The following ATP9B variants were observed in gnomAD, a reference collection of about 807,000 sequenced individuals.
The protein encoded by ATP9B is probable phospholipid-transporting ATPase IIB.
In ATP9B, 110 loss-of-function variants were observed where a neutral mutation model predicts 146.1. The observed-to-expected ratio is 0.75, with a 90% CI of 0.65 to 0.88. ATP9B has a LOEUF of 0.88. Among genes scored for constraint, ATP9B ranks in the 40% least tolerant of loss-of-function variants. The pLI is 0.00. For missense variants in ATP9B, 1,499 were observed against 1,496.4 expected (o/e 1.00, Z -0.03); for synonymous variants, 604 against 569.7 (o/e 1.06, Z -0.86).
intron 10 of ATP9B, among the ~76,000 whole-genome samples, chr18:79,212,099 T>C (rs934390857): frequency 1.3e-5 from 2 of 152,248 alleles, no homozygotes; most frequent in Non-Finnish European, 2.9e-5. Flanking sequence ...CTCAGTCTTT[T>C]AGCCTATTGT....
intron 1 of ATP9B, among the ~76,000 whole-genome samples, chr18:79,080,377 C>T (rs1045910924): frequency 4.0e-5 from 6 of 151,870 alleles, no homozygotes; most frequent in Non-Finnish European, 2.9e-5. Context: ...AAGTTGTATT[C>T]CTAGTTATTT....
intron 12 of ATP9B, among the ~76,000 whole-genome samples, chr18:79,271,194 C>T (rs2096249718): frequency 6.6e-6 from 1 of 152,144 alleles, no homozygotes; most frequent in South Asian, 2.1e-4. Flanking sequence ...ATTTTGCTTA[C>T]ACCAGTTTAA....
chr18:79,080,176 A>T (rs1016572562), intron 1 of ATP9B, among the ~76,000 whole-genome samples: 17 of 152,184 alleles, frequency 1.1e-4, no homozygotes, highest in Non-Finnish European at 1.9e-4. Context: ...TAATTCTTTG[A>T]AGAAAGTCAG....
At chr18:79,199,996 G>A (rs945449085) in intron 9 of ATP9B, among the ~76,000 whole-genome samples, 6 of 152,146 alleles carry the variant, frequency 3.9e-5, no homozygotes, top group Non-Finnish European at 7.3e-5. Flanking sequence ...TAAGTAGAAG[G>A]AGTACACTCT....
At chr18:79,270,766 A>G (rs989602661) in intron 12 of ATP9B, among the ~76,000 whole-genome samples, 14 of 152,170 alleles carry the variant, frequency 9.2e-5, no homozygotes, top group African/African-American at 3.4e-4. Context: ...ATTCTCAACC[A>G]ACCAGAGTAC....
intron 26 of ATP9B, chr18:79,363,824 G>C (rs914921337): frequency 1.4e-4 from 22 of 152,352 alleles, no homozygotes; most frequent in African/African-American, 5.3e-4. Flanking sequence ...AGATGTTCCT[G>C]GGTTGGGAGG....
chr18:79,327,133 T>C (rs1411469931), intron 15 of ATP9B, among the ~76,000 whole-genome samples: 1 of 152,254 alleles, frequency 6.6e-6, no homozygotes, highest in East Asian at 1.9e-4. Flanking sequence ...ATTGATTTAA[T>C]ATCCTGTGCA....
chr18:79,272,859 T>G (rs902089657), intron 12 of ATP9B, among the ~76,000 whole-genome samples: 1 of 152,178 alleles, frequency 6.6e-6, no homozygotes, highest in Non-Finnish European at 1.5e-5. Context: ...AAATCAAGTC[T>G]GTCATTGGTC....
chr18:79,072,704 C>A (rs990984726), intron 1 of ATP9B, among the ~76,000 whole-genome samples: 1 of 86,554 alleles, frequency 1.2e-5, no homozygotes, highest in Non-Finnish European at 2.5e-5. Flanking sequence ...TGGGGGCGCC[C>A]CCCCACCTCC....
intron 13 of ATP9B, among the ~76,000 whole-genome samples, chr18:79,292,487 CA>C (rs2096515595): frequency 6.6e-6 from 1 of 151,294 alleles, no homozygotes; most frequent in Admixed American, 6.6e-5. Flanking sequence ...GTTAAGACGG[CA>C]ACAATTCTAG....
chr18:79,096,725 G>A (rs2074815247), intron 2 of ATP9B, 76 bp downstream of exon 2: 2 of 1,154,724 alleles, frequency 1.7e-6, no homozygotes, highest in South Asian at 1.8e-5. Flanking sequence ...ATACTTATTA[G>A]CTATATTAAT....
chr18:79,227,071 G>A (rs1252509155), intron 11 of ATP9B, among the ~76,000 whole-genome samples: 1 of 152,010 alleles, frequency 6.6e-6, no homozygotes, highest in African/African-American at 2.4e-5. Context: ...TTTTTTGGTG[G>A]GCTATAACCT....
At chr18:79,115,364 C>T (rs1330306865) in intron 4 of ATP9B, 1 of 132,636 alleles carries the variant, frequency 7.5e-6, no homozygotes, top group African/African-American at 3.2e-5. Context: ...TTTACAGATT[C>T]AATGCCATCC....
At chr18:79,364,888 T>C (rs183454846) in intron 26 of ATP9B, among the ~76,000 whole-genome samples, 152 of 152,090 alleles carry the variant, frequency 1.0e-3, no homozygotes, top group African/African-American at 3.1e-3. Context: ...GAGCTGAGCA[T>C]GGTGGTTGCT....
intron 15 of ATP9B, among the ~76,000 whole-genome samples, chr18:79,310,314 A>C (rs1360077066): frequency 6.6e-6 from 1 of 152,268 alleles, no homozygotes; most frequent in Admixed American, 6.5e-5. Context: ...ATTAAAATTA[A>C]GAAGTCAGAA....
intron 12 of ATP9B, among the ~76,000 whole-genome samples, chr18:79,263,752 CATG>C (rs1435213726): frequency 6.6e-6 from 1 of 152,198 alleles, no homozygotes; most frequent in Non-Finnish European, 1.5e-5. Flanking sequence ...ATTAACATTT[CATG>C]ATGTGTACTC....
Position 79,303,464 on chromosome 18 carries a change from T to C in ATP9B, c.1412-140T>C, listed in dbSNP as rs568635929. The C allele has an allele frequency of 2.9e-5, 15 of 525,896 alleles. No homozygotes were observed. The South Asian group carries it at 4.9e-4, about 17-fold the overall frequency. The allele number at this position is 525,896 out of a possible 1,614,324, so 32.6% of individuals were successfully genotyped here. A position where few individuals can be genotyped will look rare whatever the true frequency, so the allele number is the denominator to read the frequency against. On this transcript the variant is annotated intron_variant, in intron 13 of 29. Transcript: ENST00000426216. Reference sequence around the variant, plus strand: ...TGAAAATAGTAGCAAGTAACAATCTTAACGCTACTTTGTATTATACAGTTG... The same window carrying C: ...TGAAAATAGTAGCAAGTAACAATCTCAACGCTACTTTGTATTATACAGTTG...
chr18:79,203,536 A>T (rs1275693295), intron 9 of ATP9B, among the ~76,000 whole-genome samples: 1 of 152,210 alleles, frequency 6.6e-6, no homozygotes, highest in African/African-American at 2.4e-5. Context: ...AAAGAATTTC[A>T]TGAGTGTTCT....
chr18:79,315,477 T>C lies in ATP9B; in HGVS notation c.1773+8243T>C, dbSNP rs1289601132. The stretch of plus-strand genomic sequence containing the variant: ...TTCCATTAAAATATAGAGATGATTA[T>C]AATAACCACAATCAAAAATGATGAA... On this transcript the variant is annotated intron_variant, in intron 15 of 29. Coordinates refer to ENST00000426216, the MANE Select transcript of ATP9B (RefSeq NM_198531.5). Among the ~76,000 whole-genome samples the C allele has an allele frequency of 2.0e-5, 3 of 152,380 alleles. No individual in the cohort carries two copies. In the South Asian group the frequency reaches 6.2e-4, roughly 32 times the overall value.
Sources: gnomAD v4.1 joint callset for allele counts (sites outside exome capture counted in the v4.1 genomes callset) on GRCh38, gnomAD v4.1.1 for gene constraint, MANE v1.5 for transcripts, NCBI Gene and HGNC (gene_info 2026-07-23, HGNC 2026-07-21) for gene names.